The following UBE4B variants were observed in gnomAD, a reference collection of about 807,000 sequenced individuals.
UBE4B encodes ubiquitination factor E4B.
UBE4B carries 27 observed loss-of-function variants against 148.1 expected under a neutral mutation model. That is an observed-to-expected ratio of 0.18 (90% confidence interval 0.13 to 0.25). UBE4B has a LOEUF of 0.25. UBE4B is among the 10% of genes least tolerant of loss of function. The pLI is 1.00. For missense variants in UBE4B, 1,170 were observed against 1,662.4 expected, an observed-to-expected ratio of 0.70 and a Z score of 5.15; for synonymous variants, 596 against 619.3, an observed-to-expected ratio of 0.96 and a Z score of 0.56.
chr1:10,103,308 TA>T, intron 5 of UBE4B: 1 of 364,544 alleles, frequency 2.7e-6, no homozygotes, highest in Non-Finnish European at 5.0e-6. Context: ...ATGATTTCTA[TA>T]ATACTATGTA....
At chr1:10,132,540 T>C (rs1645612994) in intron 15 of UBE4B, 58 bp downstream of exon 15, 7 of 1,476,426 alleles carry the variant, frequency 4.7e-6, no homozygotes, top group Non-Finnish European at 6.6e-6. Context: ...CTGACCCAGA[T>C]TTAGTCAGCA....
chr1:10,161,994 T>TTTTTC lies in UBE4B; in HGVS notation c.3198+713_3198+717dup, dbSNP rs1177428228. 1.4e-4 allele frequency among the ~76,000 whole-genome samples: 21 copies of TTTTTC among 151,504 alleles called. No homozygotes were observed. Among genetic ancestry groups the TTTTTC allele is most frequent in the African/African-American group, 4.6e-4 (19 of 41,298 alleles). ...AAAGTGGGGACTGCTTTTTCTTCACTTTTTCTTTTTTTTTTTTTTTTGAGA... is the reference window on the plus strand; with the variant it reads ...AAAGTGGGGACTGCTTTTTCTTCACTTTTTCTTTTCTTTTTTTTTTTTTTTTGAGA... On this transcript the variant is annotated intron_variant, in intron 23 of 27. Coordinates refer to ENST00000343090, the MANE Select transcript of UBE4B (RefSeq NM_001105562.3). This position sits in a 1 kb window ranked among gnomAD's most constrained non-coding sequence, Gnocchi z 4.1.
intron 2 of UBE4B, chr1:10,072,667 A>G: frequency 1.8e-6 from 1 of 571,118 alleles, no homozygotes; most frequent in Non-Finnish European, 3.1e-6. Flanking sequence ...AAACTACCTG[A>G]TAGGATGTTT....
At chr1:10,116,180 T>TCGCC (rs1177297438) in intron 7 of UBE4B, among the ~76,000 whole-genome samples, 2 of 152,144 alleles carry the variant, frequency 1.3e-5, no homozygotes, top group African/African-American at 2.4e-5. Flanking sequence ...TCTCTCTTTG[T>TCGCC]CGCCCAGGCA....
chr1:10,087,171 A>G (rs1644780065), intron 2 of UBE4B, among the ~76,000 whole-genome samples: 1 of 152,202 alleles, frequency 6.6e-6, no homozygotes, highest in East Asian at 1.9e-4. Flanking sequence ...CTCAAAGTAG[A>G]ACTATGAAGT....
At chr1:10,037,974 T>C (rs1255530322) in intron 1 of UBE4B, among the ~76,000 whole-genome samples, 1 of 152,038 alleles carries the variant, frequency 6.6e-6, no homozygotes, top group African/African-American at 2.4e-5. Flanking sequence ...GGATTCCGGG[T>C]GTGGTCAAGA....
chr1:10,088,264 A>G (rs1158995025), intron 2 of UBE4B, among the ~76,000 whole-genome samples: 2 of 152,232 alleles, frequency 1.3e-5, no homozygotes, highest in East Asian at 3.8e-4. Context: ...TCTTGTAAAT[A>G]TGAAGATCAA....
intron 11 of UBE4B, 107 bp from the exon 12 acceptor site, chr1:10,129,285 T>C: frequency 9.9e-7 from 1 of 1,009,306 alleles, no homozygotes; most frequent in Non-Finnish European, 1.5e-6. Context: ...TGTGTGCCAT[T>C]TTAGAGGGAA....
chr1:10,040,321 G>T (rs1218127360), intron 1 of UBE4B, among the ~76,000 whole-genome samples: 2 of 151,926 alleles, frequency 1.3e-5, no homozygotes, highest in African/African-American at 4.8e-5. Flanking sequence ...TATTGGCCAG[G>T]CTGGTCTTGA....
intron 26 of UBE4B, 140 bp from the exon 27 acceptor site, chr1:10,179,276 C>A: frequency 9.4e-7 from 1 of 1,067,868 alleles, no homozygotes; most frequent in Non-Finnish European, 1.3e-6. Flanking sequence ...GGCTGATTTC[C>A]TTCTAAACCT....
At chr1:10,176,747 TTTG>T (rs1646433887) in intron 25 of UBE4B, among the ~76,000 whole-genome samples, 1 of 151,888 alleles carries the variant, frequency 6.6e-6, no homozygotes, top group African/African-American at 2.4e-5. Flanking sequence ...TGTTTGTGTT[TTTG>T]TTGTTGAGTT....
intron 10 of UBE4B, among the ~76,000 whole-genome samples, chr1:10,123,253 A>C (rs1008063157): frequency 6.6e-6 from 1 of 151,934 alleles, no homozygotes; most frequent in Non-Finnish European, 1.5e-5. Context: ...CAGCGTGGTG[A>C]AACCCGGTCT....
rs7414561 is a variant in UBE4B, at chr1:10,137,107, G to A, written c.2265G>A (p.Thr755=). The part of the protein sequence containing the change: ...QPPFSEPKFP[T]ECFFLTLHAH... ...CATTTTCTGAGCCGAAATTCCCTAC[G>A]GAGTGCTTCTTTCTCACCCTGCATG... is the stretch of plus-strand genomic sequence containing the variant. The change falls in exon 17 of 28, where the codon ACG becomes ACA. Residue 755 remains threonine, a synonymous_variant. Coordinates refer to ENST00000343090, the MANE Select transcript of UBE4B (RefSeq NM_001105562.3). 5.0e-6 allele frequency: 8 copies of A among 1,614,034 alleles called. No individual in the cohort carries two copies. Among genetic ancestry groups the A allele is most frequent in the East Asian group, 2.2e-5 (1 of 44,874 alleles).
chr1:10,062,966 A>G (rs1270453128), intron 1 of UBE4B, among the ~76,000 whole-genome samples: 7 of 151,858 alleles, frequency 4.6e-5, no homozygotes, highest in Admixed American at 2.0e-4. Context: ...CAAAAAAAAA[A>G]AAAAAGAAAA....
chr1:10,049,450 A>G (rs1170870059), intron 1 of UBE4B, among the ~76,000 whole-genome samples: 1 of 152,140 alleles, frequency 6.6e-6, no homozygotes, highest in Non-Finnish European at 1.5e-5. Context: ...GATTTTGACA[A>G]TTAGAACACT....
chr1:10,103,745 C>T (rs544768305), intron 5 of UBE4B, among the ~76,000 whole-genome samples: 2 of 152,032 alleles, frequency 1.3e-5, no homozygotes, highest in South Asian at 4.2e-4. Flanking sequence ...ATTCTCCAGC[C>T]TCAGCCTCCC....
intron 17 of UBE4B, among the ~76,000 whole-genome samples, chr1:10,143,694 C>G (rs988552144): frequency 6.6e-6 from 1 of 152,182 alleles, no homozygotes; most frequent in Non-Finnish European, 1.5e-5. Flanking sequence ...ACTCATGTTT[C>G]AGTTGTAGAC....
chr1:10,119,049 AT>A (rs1645365925), intron 8 of UBE4B, among the ~76,000 whole-genome samples: 1 of 144,812 alleles, frequency 6.9e-6, no homozygotes, highest in African/African-American at 2.6e-5. Context: ...TGTCTGGCTA[AT>A]TTTTTGTCTT....
intron 9 of UBE4B, among the ~76,000 whole-genome samples, chr1:10,119,926 C>T (rs1235286825): frequency 1.3e-5 from 2 of 152,178 alleles, no homozygotes; most frequent in Non-Finnish European, 2.9e-5. Flanking sequence ...TATACAGCAA[C>T]TGCCTGAAGT....
Sources: gnomAD v4.1 joint callset for allele counts (sites outside exome capture counted in the v4.1 genomes callset) on GRCh38, gnomAD v4.1.1 for gene constraint, Gnocchi (gnomAD v3.1) non-coding constraint, MANE v1.5 for transcripts, NCBI Gene and HGNC (gene_info 2026-07-23, HGNC 2026-07-21) for gene names.